The following CNDP1 variants were observed in gnomAD, a reference collection of about 807,000 sequenced individuals.
The protein encoded by CNDP1 is carnosine dipeptidase 1.
CNDP1 carries 44 observed loss-of-function variants against 58.1 expected under a neutral mutation model. The observed-to-expected ratio is 0.76, with a 90% confidence interval of 0.60 to 0.97. The LOEUF is 0.97. CNDP1 is among the 50% of genes least tolerant of loss of function. The pLI, the probability that CNDP1 is intolerant of heterozygous loss-of-function variation, is 0.00. For synonymous variants in CNDP1, 254 were observed against 252.6 expected, an observed-to-expected ratio of 1.01 and a Z score of -0.05; for missense variants, 616 against 655.1, an observed-to-expected ratio of 0.94 and a Z score of 0.65.
chr18:74,562,043 A>G lies in CNDP1; in HGVS notation c.467-4A>G, dbSNP rs369494548. ...CTCTGAACATTCTTCTCCCCTTTTT[A>G]AAGGGAAACTTTATGGACGAGGAGC... On this transcript the variant is annotated splice_region_variant and splice_polypyrimidine_tract_variant and intron_variant, in intron 4 of 11. Transcript: ENST00000358821. 68 of 1,613,534 alleles carry G rather than the reference A, an allele frequency of 4.2e-5. No homozygotes were observed. Among genetic ancestry groups the G allele is most frequent in the Non-Finnish European group, 5.8e-5 (68 of 1,179,640 alleles).
chr18:74,566,782 G>A (rs140157264), intron 5 of CNDP1, among the ~76,000 whole-genome samples: 1,814 of 152,302 alleles, frequency 0.012, 22 homozygotes, highest in Middle Eastern at 0.024. Flanking sequence ...CTGTTACCCA[G>A]TTCCAAAGTT....
At chr18:74,561,700 T>C (rs1981203587) in intron 4 of CNDP1, 1 of 213,140 alleles carries the variant, frequency 4.7e-6, no homozygotes, top group African/African-American at 2.2e-5. Context: ...AATGAGAGGC[T>C]ATGCCACGTG....
intron 4 of CNDP1, 114 bp downstream of exon 4, chr18:74,561,132 A>C: frequency 7.5e-7 from 1 of 1,325,080 alleles, no homozygotes; most frequent in Non-Finnish European, 1.0e-6. Flanking sequence ...AAGAATGCAT[A>C]GGCCGGGTGC....
intron 10 of CNDP1, among the ~76,000 whole-genome samples, chr18:74,581,402 T>C (rs920008689): frequency 5.3e-5 from 8 of 152,132 alleles, no homozygotes; most frequent in African/African-American, 1.9e-4. Context: ...GTGCCATGGC[T>C]GGACTGCCTG....
chr18:74,573,452 G>C (rs55748163), intron 7 of CNDP1, among the ~76,000 whole-genome samples: 100 of 99,932 alleles, frequency 1.0e-3, no homozygotes, highest in African/African-American at 1.3e-3. Context: ...ATGTATCTAT[G>C]TATCTATCTA....
intron 9 of CNDP1, among the ~76,000 whole-genome samples, chr18:74,579,172 TTC>T (rs1981711849): frequency 7.2e-6 from 1 of 139,262 alleles, no homozygotes; most frequent in Admixed American, 7.3e-5. Context: ...CCTCTCTCCC[TTC>T]TCCCTTCTCC....
rs769506557 is a variant in CNDP1 at position 74,583,686 on chromosome 18, T to G, written c.1435T>G (p.Ser479Ala). Reference protein sequence around the residue: ...PLGAVDDGEHSQNEKINRWNY... With the variant: ...PLGAVDDGEHAQNEKINRWNY... ...GGGAGCTGTTGATGATGGAGAACAT[T>G]CGCAGAATGAGAAAATCAACAGGTC... is the stretch of plus-strand genomic sequence containing the variant. Residue 479 changes from serine to alanine, a missense_variant, in exon 11 of 12, where the codon TCG becomes GCG. By Grantham distance (99) the Ser-to-Ala change is moderately conservative. Coordinates refer to ENST00000358821, the MANE Select transcript of CNDP1 (RefSeq NM_032649.6). The G allele has an allele frequency of 1.2e-6, 2 of 1,614,170 alleles. No homozygotes were observed. Among genetic ancestry groups the G allele is most frequent in the South Asian group, 1.1e-5 (1 of 91,080 alleles).
chr18:74,566,021 C>T (rs548441808), intron 5 of CNDP1, among the ~76,000 whole-genome samples: 4 of 152,340 alleles, frequency 2.6e-5, no homozygotes, highest in East Asian at 1.9e-4. Context: ...TCTGTGCACC[C>T]GCAGGCTCAA....
chr18:74,567,546 C>T (rs1249705599), intron 6 of CNDP1, 113 bp downstream of exon 6: 5 of 946,502 alleles, frequency 5.3e-6, no homozygotes, highest in South Asian at 3.0e-5. Context: ...AGGGCAGAGG[C>T]CTTACCTGGG....
chr18:74,534,613 T>A lies in CNDP1; in HGVS notation c.-55T>A. On this transcript the variant is annotated 5_prime_UTR_variant, in exon 1 of 12. Coordinates refer to ENST00000358821, the MANE Select transcript of CNDP1 (RefSeq NM_032649.6). Reference sequence around the variant, plus strand: ...CTTGGGGCTTTCATGGGACTCCCTCTGCCACATTTTTTGGAGGTTGGGAAA... The same window carrying A: ...CTTGGGGCTTTCATGGGACTCCCTCAGCCACATTTTTTGGAGGTTGGGAAA... 6.2e-7 allele frequency: 1 copy of A among 1,603,708 alleles called. No individual in the cohort carries two copies.
Position 74,535,580 on chromosome 18 carries a change from C to CTTTTTTTT in CNDP1, c.24+896_24+903dup, listed in dbSNP as rs10685765. ...GTCTGGCCATGCTTTCCATTGCTGA[C>CTTTTTTTT]TTTTTTTTTTTTTTAAAGAACCCAT... On this transcript the variant is annotated intron_variant, in intron 1 of 11. Coordinates refer to ENST00000358821, the MANE Select transcript of CNDP1 (RefSeq NM_032649.6). 3.0e-3 allele frequency among the ~76,000 whole-genome samples: 322 copies of CTTTTTTTT among 106,370 alleles called. 9 individuals carry two copies. The highest frequency in any genetic ancestry group is 9.0e-3 in the African/African-American group (265 of 29,598). 69.8% of individuals were successfully genotyped at this position (106,370 alleles called of 152,430 possible).
intron 1 of CNDP1, among the ~76,000 whole-genome samples, chr18:74,552,080 G>A (rs904331997): frequency 6.6e-6 from 1 of 152,176 alleles, no homozygotes; most frequent in Non-Finnish European, 1.5e-5. Context: ...GAGCTGGGCT[G>A]GATCTGGCTT....
intron 5 of CNDP1, among the ~76,000 whole-genome samples, chr18:74,565,013 C>T (rs995154425): frequency 1.3e-5 from 2 of 152,186 alleles, no homozygotes; most frequent in Non-Finnish European, 2.9e-5. Flanking sequence ...TTCCATATGG[C>T]TTAGGAGGCC....
chr18:74,535,298 T>C (rs935016674), intron 1 of CNDP1, among the ~76,000 whole-genome samples: 2 of 151,830 alleles, frequency 1.3e-5, no homozygotes, highest in Non-Finnish European at 2.9e-5. Flanking sequence ...CATGGACGCT[T>C]TTTATTTCCA....
intron 6 of CNDP1, among the ~76,000 whole-genome samples, chr18:74,569,739 C>T (rs1047595283): frequency 6.6e-6 from 1 of 152,144 alleles, no homozygotes; most frequent in African/African-American, 2.4e-5. Context: ...TCCTTAGTGC[C>T]TCCCATTCAT....
chr18:74,556,896 C>CTTCA (rs897673195), intron 2 of CNDP1, among the ~76,000 whole-genome samples: 13 of 152,306 alleles, frequency 8.5e-5, no homozygotes, highest in East Asian at 5.8e-4. Flanking sequence ...ACTTTATCTC[C>CTTCA]TTCATTCATT....
At chr18:74,541,306 G>C (rs376397481) in intron 1 of CNDP1, among the ~76,000 whole-genome samples, 1 of 152,218 alleles carries the variant, frequency 6.6e-6, no homozygotes, top group African/African-American at 2.4e-5. Flanking sequence ...TCCCCTGAGC[G>C]TGCACTGTCT....
At chr18:74,555,360 T>G (rs984243853) in intron 1 of CNDP1, among the ~76,000 whole-genome samples, 3 of 152,046 alleles carry the variant, frequency 2.0e-5, no homozygotes, top group African/African-American at 7.2e-5. Flanking sequence ...TGCAGCCCCC[T>G]TGGCCCTTCC....
At chr18:74,564,727 A>G (rs761500414) in intron 5 of CNDP1, among the ~76,000 whole-genome samples, 4 of 152,216 alleles carry the variant, frequency 2.6e-5, no homozygotes, top group Non-Finnish European at 5.9e-5. Context: ...ATTCTTGATC[A>G]TAGCATTAAA....
Sources: allele counts gnomAD v4.1 joint callset (sites outside exome capture counted in the v4.1 genomes callset), GRCh38; gene constraint gnomAD v4.1.1; transcripts MANE v1.5; gene names NCBI Gene and HGNC (gene_info 2026-07-23, HGNC 2026-07-21).